Variants in MACF1 observed in about 807,000 individuals in gnomAD.
MACF1 encodes microtubule actin crosslinking factor 1.
Under a neutral mutation model 854.8 loss-of-function variants are expected in MACF1, and 193 were observed. The ratio of observed to expected loss-of-function variants is 0.23; its 90% confidence interval spans 0.20 to 0.25. The LOEUF is 0.25. Among genes scored for constraint, MACF1 ranks in the 10% least tolerant of loss-of-function variants. The pLI is 1.00. For missense variants in MACF1, 7,722 were observed against 8,929.1 expected, an observed-to-expected ratio of 0.86 and a Z score of 5.45; for synonymous variants, 3,185 against 3,226.7, an observed-to-expected ratio of 0.99 and a Z score of 0.44.
chr1:39,459,842 C>T (rs770120663), intron 91 of MACF1: 1 of 1,303,854 alleles, frequency 7.7e-7, no homozygotes, highest in Non-Finnish European at 1.0e-6. Flanking sequence ...AGTGAGTGTT[C>T]TGTGTTTTGT....
intron 26 of MACF1, among the ~76,000 whole-genome samples, chr1:39,314,790 C>T (rs1229853897): frequency 6.6e-6 from 1 of 152,168 alleles, no homozygotes; most frequent in Non-Finnish European, 1.5e-5. Flanking sequence ...GAATTGTTAA[C>T]TCACTGCAGT....
At chr1:39,230,019 A>C (rs1009924638) in intron 1 of MACF1, among the ~76,000 whole-genome samples, 3 of 152,208 alleles carry the variant, frequency 2.0e-5, no homozygotes, top group African/African-American at 7.2e-5. Flanking sequence ...CTGGGATTAC[A>C]AGGCATGAGC....
chr1:39,380,262 G>T lies in MACF1; in HGVS notation c.13537G>T (p.Glu4513Ter). The T allele has an allele frequency of 6.2e-7, 1 of 1,613,324 alleles. No individual in the cohort carries two copies. The highest frequency in any genetic ancestry group is 1.1e-5 in the South Asian group (1 of 90,966). Residue 4513 changes from glutamate to a stop codon, truncating the protein, a stop_gained, in exon 55 of 101, where the codon GAA becomes TAA. Coordinates refer to ENST00000564288, the MANE Select transcript of MACF1 (RefSeq NM_001394062.1). LOFTEE classifies it high-confidence loss of function. ...CTCCTAGGCCTTCCTGGCTGAGTTG[G>T]AACAGAATTCTCCAAAAATTCAAAA... is the stretch of plus-strand genomic sequence containing the variant. ...ESNKAFLAEL[E>*]QNSPKIQKVK...
At chr1:39,367,949 G>A (rs1436321881) in intron 49 of MACF1, among the ~76,000 whole-genome samples, 199 bp from the exon 50 acceptor site, 1 of 147,418 alleles carries the variant, frequency 6.8e-6, no homozygotes, top group Non-Finnish European at 1.5e-5. Context: ...CAGCCTGGAT[G>A]ACAGGAGTAA....
At chr1:39,254,656 T>C (rs910942248) in intron 5 of MACF1, 2 of 348,278 alleles carry the variant, frequency 5.7e-6, no homozygotes, top group Non-Finnish European at 1.0e-5. Context: ...GGGGTCAAAA[T>C]GAAGATGAAA....
At position 39,285,420 on chromosome 1, in the gene MACF1, T is replaced by C. The variant is rs939685129; in HGVS notation, c.1353+30T>C. The C allele has an allele frequency of 2.5e-6, 4 of 1,607,554 alleles. No individual in the cohort carries two copies. In the African/African-American group the frequency reaches 4.0e-5, roughly 16 times the overall value. ...GTCTCTGACTGTTTTGTCCAACATC[T>C]GTGTCACATGTTTCCTGCTTCTCAC... is the stretch of plus-strand genomic sequence containing the variant. On this transcript the variant is annotated intron_variant, in intron 13 of 100. Coordinates refer to ENST00000564288, the MANE Select transcript of MACF1 (RefSeq NM_001394062.1).
Position 39,210,702 on chromosome 1 carries a change from T to G in MACF1, c.109+5571T>G, listed in dbSNP as rs539551405. On this transcript the variant is annotated intron_variant, in intron 1 of 100. Coordinates refer to ENST00000564288, the MANE Select transcript of MACF1 (RefSeq NM_001394062.1). The stretch of plus-strand genomic sequence containing the variant: ...ACTAAGGTCTCTAACTTTCTGTGAT[T>G]CTGATTCAGTTCGATCATCTGGCCT... Among the ~76,000 whole-genome samples the G allele has an allele frequency of 4.6e-5, 7 of 152,310 alleles. No individual in the cohort carries two copies. In the South Asian group the frequency reaches 1.4e-3, roughly 32 times the overall value.
chr1:39,370,244 T>TA (rs1273171600), intron 51 of MACF1, 58 bp downstream of exon 51: 24 of 1,439,600 alleles, frequency 1.7e-5, no homozygotes, highest in Non-Finnish European at 2.1e-5. Flanking sequence ...ATACTTGTAT[T>TA]AACTGGTCTC....
chr1:39,387,822 G>T lies in MACF1; in HGVS notation c.14980G>T (p.Val4994Phe), dbSNP rs1334347886. The T allele has an allele frequency of 6.2e-7, 1 of 1,614,160 alleles. No individual in the cohort carries two copies. The change falls in exon 58 of 101, where the codon GTT (valine) becomes TTT (phenylalanine). Residue 4994 changes from valine to phenylalanine, a missense_variant. Val to Phe is a conservative substitution (Grantham distance 50, BLOSUM62 -1). This residue lies in a region of MACF1 where 2,807 missense variants were observed against 3,235.8 expected (regional missense o/e 0.87). Transcript: ENST00000564288. ...KAGINQNMDA[V>F]TEELQAKTGS... is the part of the protein sequence containing the mutation. ...TGGGATCAACCAGAACATGGATGCT[G>T]TTACAGAAGAGCTGCAGGCCAAAAC...
chr1:39,147,496 CTTCT>C (rs2148192026), intron 2 of MACF1, among the ~76,000 whole-genome samples: 1 of 139,046 alleles, frequency 7.2e-6, no homozygotes, highest in East Asian at 2.1e-4. Flanking sequence ...CCTTCTTTCC[CTTCT>C]TTCTTTCTTT....
chr1:39,437,564 A>T (rs1644008977), intron 70 of MACF1: 1 of 511,410 alleles, frequency 2.0e-6, no homozygotes, highest in Non-Finnish European at 3.8e-6. Context: ...CACACACCTC[A>T]GCCTCCCAAA....
chr1:39,171,045 A>G (rs1475072041), intron 2 of MACF1, among the ~76,000 whole-genome samples: 1 of 152,114 alleles, frequency 6.6e-6, no homozygotes, highest in Non-Finnish European at 1.5e-5. Flanking sequence ...TTGTGACTGT[A>G]GGGCTGGCTC....
At chr1:39,202,634 CAA>C (rs150582591), upstream of MACF1, among the ~76,000 whole-genome samples, 3 of 140,776 alleles carry the variant, frequency 2.1e-5, no homozygotes. Flanking sequence ...GACTCTGTCT[CAA>C]AAAAAAAAAA....
At chr1:39,294,354 C>T (rs937062178) in intron 18 of MACF1, among the ~76,000 whole-genome samples, 1 of 152,126 alleles carries the variant, frequency 6.6e-6, no homozygotes, top group Admixed American at 6.5e-5. Flanking sequence ...ATTTTGTAAA[C>T]TATGCAAATA....
intron 65 of MACF1, 106 bp downstream of exon 65, chr1:39,430,174 C>T (rs534341815): frequency 2.4e-4 from 302 of 1,266,000 alleles, no homozygotes; most frequent in Non-Finnish European, 3.1e-4. Context: ...TATGTGCCCC[C>T]TTTCTTGTTT....
At chr1:39,426,964 C>T (rs940691018) in intron 61 of MACF1, among the ~76,000 whole-genome samples, 1 of 152,078 alleles carries the variant, frequency 6.6e-6, no homozygotes, top group African/African-American at 2.4e-5. Context: ...ACAGTCTTTA[C>T]TCTTCAGATA....
chr1:39,355,601 G>A (rs1303217453), intron 44 of MACF1, among the ~76,000 whole-genome samples: 1 of 151,302 alleles, frequency 6.6e-6, no homozygotes, highest in African/African-American at 2.4e-5. Flanking sequence ...GAGTAGCTGG[G>A]ATTACAGGTG....
intron 61 of MACF1, 53 bp from the exon 62 acceptor site, chr1:39,427,402 C>T (rs1277813727): frequency 6.6e-7 from 1 of 1,506,150 alleles, no homozygotes; most frequent in Non-Finnish European, 9.2e-7. Context: ...GTACTATTAC[C>T]AGTTTTAATG....
At chr1:39,418,227 T>C (rs1322207749) in intron 58 of MACF1, among the ~76,000 whole-genome samples, 2 of 152,148 alleles carry the variant, frequency 1.3e-5, no homozygotes, top group Non-Finnish European at 2.9e-5. Context: ...ATTATTGATT[T>C]AAGGAAGAGG....
Sources: gnomAD v4.1 joint callset for allele counts (sites outside exome capture counted in the v4.1 genomes callset) on GRCh38, gnomAD v4.1.1 for gene constraint, gnomAD v4.1.1 regional missense constraint, MANE v1.5 for transcripts, NCBI Gene and HGNC (gene_info 2026-07-23, HGNC 2026-07-21) for gene names.